FHIT: variants seen among roughly 807,000 people sequenced by gnomAD.
The protein encoded by FHIT is fragile histidine triad diadenosine triphosphatase, also known as bis(5'-adenosyl)-triphosphatase.
In FHIT, 19 loss-of-function variants were observed where a neutral mutation model predicts 17.9. The observed-to-expected ratio is 1.06, with a 90% CI of 0.74 to 1.56. The LOEUF (loss-of-function observed/expected upper bound fraction) is 1.56, where lower values mean the gene tolerates loss of function less well. Among genes scored for constraint, FHIT ranks in the 40% most tolerant of loss-of-function variants. The pLI is 0.00. For missense variants in FHIT, 248 were observed against 189.2 expected, an observed-to-expected ratio of 1.31 and a Z score of -1.82; for synonymous variants, 81 against 69.7, an observed-to-expected ratio of 1.16 and a Z score of -0.81.
chr3:60,089,924 A>T (rs1703659365), intron 5 of FHIT, among the ~76,000 whole-genome samples: 1 of 152,234 alleles, frequency 6.6e-6, no homozygotes, highest in African/African-American at 2.4e-5. Flanking sequence ...GAGATGACAG[A>T]ATAACGAATA....
At chr3:60,606,354 C>T (rs1391998442) in intron 4 of FHIT, among the ~76,000 whole-genome samples, 1 of 151,760 alleles carries the variant, frequency 6.6e-6, no homozygotes, top group South Asian at 2.1e-4. Flanking sequence ...GATTCTCATG[C>T]CTCAGCCTCC....
At chr3:60,990,053 C>T (rs1468501874) in intron 3 of FHIT, among the ~76,000 whole-genome samples, 1 of 152,150 alleles carries the variant, frequency 6.6e-6, no homozygotes, top group African/African-American at 2.4e-5. Flanking sequence ...CTTTGCTCCA[C>T]AGGGTACAAC....
At chr3:60,534,305 C>T (rs532259239) in intron 5 of FHIT, among the ~76,000 whole-genome samples, 94 of 149,448 alleles carry the variant, frequency 6.3e-4, no homozygotes, top group Admixed American at 2.7e-3. Context: ...CGGTGGCGGG[C>T]GCCTGTAGTC....
At chr3:61,136,056 T>C (rs1316682864) in intron 2 of FHIT, among the ~76,000 whole-genome samples, 1 of 151,968 alleles carries the variant, frequency 6.6e-6, no homozygotes, top group Non-Finnish European at 1.5e-5. Context: ...ACCATCGCTA[T>C]TTTCTTTAAC....
intron 2 of FHIT, among the ~76,000 whole-genome samples, chr3:61,066,311 T>C (rs188632508): frequency 6.6e-6 from 1 of 152,114 alleles, no homozygotes; most frequent in African/African-American, 2.4e-5. Context: ...ACAGCATTCA[T>C]CTTCTTAACA....
At chr3:60,900,632 T>G (rs1033586625) in intron 3 of FHIT, among the ~76,000 whole-genome samples, 7 of 152,112 alleles carry the variant, frequency 4.6e-5, no homozygotes, top group Non-Finnish European at 8.8e-5. Context: ...TTAATTTTTT[T>G]GGAGAACCTT....
chr3:60,548,370 A>G (rs926852388), intron 4 of FHIT, among the ~76,000 whole-genome samples: 4 of 152,108 alleles, frequency 2.6e-5, no homozygotes, highest in African/African-American at 9.7e-5. Flanking sequence ...TTTTCATATT[A>G]TTTCATCAAA....
intron 5 of FHIT, chr3:60,535,801 TTATTTG>T (rs1472027711): frequency 7.7e-6 from 1 of 130,546 alleles, no homozygotes; most frequent in Non-Finnish European, 1.6e-5. Flanking sequence ...CATGTTTTTC[TTATTTG>T]TATTTTTTTT....
chr3:60,268,206 G>A (rs958064125), intron 5 of FHIT, among the ~76,000 whole-genome samples: 2 of 152,136 alleles, frequency 1.3e-5, no homozygotes, highest in Non-Finnish European at 2.9e-5. Flanking sequence ...TGAGTTTTTA[G>A]CATAATATTC....
At chr3:60,415,250 T>C (rs1215282972) in intron 5 of FHIT, among the ~76,000 whole-genome samples, 4 of 152,182 alleles carry the variant, frequency 2.6e-5, no homozygotes, top group African/African-American at 9.6e-5. Flanking sequence ...GTACTCCCTT[T>C]AGTTTTTAAC....
chr3:60,325,113 A>AC (rs554177946), intron 5 of FHIT, among the ~76,000 whole-genome samples: 3 of 151,836 alleles, frequency 2.0e-5, no homozygotes, highest in Non-Finnish European at 4.4e-5. Context: ...AGAGAAAACA[A>AC]TTTTTTTCAT....
At chr3:60,243,704 TA>T (rs1452410434) in intron 5 of FHIT, among the ~76,000 whole-genome samples, 1 of 152,132 alleles carries the variant, frequency 6.6e-6, no homozygotes, top group Non-Finnish European at 1.5e-5. Context: ...ACCACCTTCT[TA>T]AACGTTGAAG....
At chr3:60,547,604 C>T (rs2036409620) in intron 4 of FHIT, among the ~76,000 whole-genome samples, 2 of 152,172 alleles carry the variant, frequency 1.3e-5, no homozygotes, top group Non-Finnish European at 2.9e-5. Flanking sequence ...TAGCCTCTTG[C>T]TACCTCTCTC....
At chr3:60,374,380 G>A (rs1267661459) in intron 5 of FHIT, among the ~76,000 whole-genome samples, 10 of 151,550 alleles carry the variant, frequency 6.6e-5, no homozygotes, top group African/African-American at 1.5e-4. Context: ...AATTTCCTCC[G>A]CTGCTAATGC....
chr3:60,111,641 T>C (rs1372331803), intron 5 of FHIT, among the ~76,000 whole-genome samples: 1 of 152,204 alleles, frequency 6.6e-6, no homozygotes, highest in East Asian at 1.9e-4. Context: ...TACTGTAAAA[T>C]TCAGTGTTTT....
At chr3:61,016,518 C>CTGG (rs1309105614) in intron 3 of FHIT, among the ~76,000 whole-genome samples, 1 of 152,160 alleles carries the variant, frequency 6.6e-6, no homozygotes, top group African/African-American at 2.4e-5. Context: ...TTTATGTTGC[C>CTGG]TGGTGTCCTA....
intron 2 of FHIT, among the ~76,000 whole-genome samples, chr3:61,048,816 T>A (rs1165020903): frequency 1.3e-5 from 2 of 152,130 alleles, no homozygotes; most frequent in Non-Finnish European, 2.9e-5. Flanking sequence ...TGAGTTCATG[T>A]CCTTTGTAGG....
intron 5 of FHIT, among the ~76,000 whole-genome samples, chr3:60,351,128 A>C (rs1699374827): frequency 6.6e-6 from 1 of 152,188 alleles, no homozygotes; most frequent in Non-Finnish European, 1.5e-5. Context: ...ACTCACATGA[A>C]CTATGAGATA....
At chr3:59,903,871 T>C (rs1033445319) in intron 8 of FHIT, among the ~76,000 whole-genome samples, 5 of 152,138 alleles carry the variant, frequency 3.3e-5, no homozygotes, top group African/African-American at 9.7e-5. Flanking sequence ...CTTGGAAGCA[T>C]AGGCCAAGAT....
Sources: allele counts gnomAD v4.1 joint callset (sites outside exome capture counted in the v4.1 genomes callset), GRCh38; gene constraint gnomAD v4.1.1; transcripts MANE v1.5; gene names NCBI Gene and HGNC (gene_info 2026-07-23, HGNC 2026-07-21).